Variants in KIAA0586 observed in about 807,000 individuals in gnomAD.
KIAA0586 encodes protein TALPID3.
In KIAA0586, 144 loss-of-function variants were observed where a neutral mutation model predicts 169.8. That is an observed-to-expected ratio of 0.85 (90% CI 0.74 to 0.97). The LOEUF (loss-of-function observed/expected upper bound fraction) is 0.97. Among genes scored for constraint, KIAA0586 ranks in the 50% least tolerant of loss-of-function variants. KIAA0586 has a pLI of 0.00. For missense variants in KIAA0586, 1,854 were observed against 1,823.0 expected, an observed-to-expected ratio of 1.02 and a Z score of -0.31; for synonymous variants, 625 against 612.4, an observed-to-expected ratio of 1.02 and a Z score of -0.30.
chr14:58,440,049 A>ATTT lies in KIAA0586; in HGVS notation c.411-2643_411-2641dup, dbSNP rs59044231. ...TTTCAGGGTCTTTTTTTAATTTTTA[A>ATTT]TTTTTTTTTTTTTTTTCTAGAGACA... On this transcript the variant is annotated intron_variant, in intron 4 of 30. Coordinates refer to ENST00000652326, the MANE Select transcript of KIAA0586 (RefSeq NM_001329943.3). 1.1e-3 allele frequency: 187 copies of ATTT among 164,226 alleles called. 1 individual carries two copies. The highest frequency in any genetic ancestry group is 4.7e-3 in the Middle Eastern group (2 of 422). The allele number at this position is 164,226 out of a possible 1,614,324, so 10.2% of individuals were successfully genotyped here.
intron 28 of KIAA0586, among the ~76,000 whole-genome samples, chr14:58,508,991 A>C (rs921157743): frequency 3.6e-4 from 55 of 152,220 alleles, no homozygotes; most frequent in African/African-American, 1.3e-3. Flanking sequence ...GCACTCTGGG[A>C]GGTTGAGACA....
intron 29 of KIAA0586, chr14:58,536,963 T>G (rs1437785230): frequency 2.6e-6 from 3 of 1,169,874 alleles, no homozygotes; most frequent in Non-Finnish European, 3.3e-6. Context: ...AAATTTTCCT[T>G]CTCATCTTTT....
Position 58,430,675 on chromosome 14 carries a change from G to A in KIAA0586, c.298G>A (p.Val100Met), listed in dbSNP as rs866469207. The A allele has an allele frequency of 8.1e-6, 13 of 1,605,414 alleles. No homozygotes were observed. Among genetic ancestry groups the A allele is most frequent in the South Asian group, 2.2e-5 (2 of 89,750 alleles). Residue 100 changes from valine (V) to methionine (M), a missense_variant, in exon 3 of 31, where the codon GTG becomes ATG. Coordinates refer to ENST00000652326, the MANE Select transcript of KIAA0586 (RefSeq NM_001329943.3). ...SDFSKDVAVQVLPLDKIEENN... is the reference protein window; with the variant it reads ...SDFSKDVAVQMLPLDKIEENN... ...TTTTTCTAAAGACGTTGCAGTGCAA[G>A]TGTTGCCTTTGGATAAAATAGAAGA...
chr14:58,519,165 A>AT (rs1489325325), intron 29 of KIAA0586, among the ~76,000 whole-genome samples: 1 of 152,330 alleles, frequency 6.6e-6, no homozygotes, highest in South Asian at 2.1e-4. Flanking sequence ...AAACAGGGGA[A>AT]TACATTTACC....
In KIAA0586 at chr14:58,550,935, T is replaced by C. The variant is rs1001445341; in HGVS notation, c.*3003T>C. 2 of 152,174 alleles carry C rather than the reference T, an allele frequency of 1.3e-5. No individual in the cohort carries two copies. Among genetic ancestry groups the C allele is most frequent in the Non-Finnish European group, 2.9e-5 (2 of 68,188 alleles). The allele number at this position is 152,174 out of a possible 1,614,324, so 9.4% of individuals were successfully genotyped here. ...GGGTGCGGGTGGCTCACACCTGTAA[T>C]CCCAGCACTTTGGGAGGCTGAGGCA... On this transcript the variant is annotated 3_prime_UTR_variant, in exon 31 of 31. Transcript: ENST00000652326.
At chr14:58,454,710 C>T (rs1048026985) in intron 9 of KIAA0586, among the ~76,000 whole-genome samples, 1 of 152,274 alleles carries the variant, frequency 6.6e-6, no homozygotes. Context: ...GCTGGAAGTT[C>T]AAGATCAAGG....
Position 58,447,383 on chromosome 14 carries a change from CAAT to C in KIAA0586, c.808-954_808-952del, listed in dbSNP as rs1449967729. On this transcript the variant is annotated intron_variant, in intron 6 of 30. Coordinates refer to ENST00000652326, the MANE Select transcript of KIAA0586 (RefSeq NM_001329943.3). ...TGTACTCACAAAAATTAAAACAAAA[CAAT>C]AAAACCCTCTTTTTTGAAACCAGTT... 9.2e-5 allele frequency among the ~76,000 whole-genome samples: 14 copies of C among 152,118 alleles called. No individual in the cohort carries two copies. In the South Asian group the frequency reaches 2.7e-3, roughly 29 times the overall value.
At position 58,480,360 on chromosome 14, in the gene KIAA0586, A is replaced by AT. The variant is rs539073778; in HGVS notation, c.2945-2153_2945-2152insT. Among the ~76,000 whole-genome samples, 70 of 152,228 alleles carry AT rather than the reference A, an allele frequency of 4.6e-4. No individual in the cohort carries two copies. The East Asian group carries it at 0.011, about 23-fold the overall frequency. On this transcript the variant is annotated intron_variant, in intron 20 of 30. Transcript: ENST00000652326. Reference sequence around the variant, plus strand: ...TCTTCCTCTTTTAAAAAAAAAAAAAAAAAACTTCTTTAAGACCTTCATTTT... The same window carrying AT: ...TCTTCCTCTTTTAAAAAAAAAAAAAATAAAACTTCTTTAAGACCTTCATTTT...
chr14:58,455,157 C>T (rs2039712209), intron 9 of KIAA0586, among the ~76,000 whole-genome samples: 1 of 152,160 alleles, frequency 6.6e-6, no homozygotes, highest in African/African-American at 2.4e-5. Context: ...TTATATTTTT[C>T]AACTGCAGAA....
chr14:58,497,175 G>A (rs2043210624), intron 26 of KIAA0586, among the ~76,000 whole-genome samples: 1 of 151,828 alleles, frequency 6.6e-6, no homozygotes, highest in African/African-American at 2.4e-5. Flanking sequence ...TTTTTGCCAT[G>A]TTGATCAGGA....
intron 8 of KIAA0586, among the ~76,000 whole-genome samples, chr14:58,451,873 C>T (rs916809699): frequency 3.3e-5 from 5 of 152,018 alleles, no homozygotes; most frequent in Non-Finnish European, 5.9e-5. Context: ...TTAGTAGAGA[C>T]GGGGTTTCAC....
At chr14:58,460,491 T>G (rs2140880536) in intron 13 of KIAA0586, among the ~76,000 whole-genome samples, 1 of 152,262 alleles carries the variant, frequency 6.6e-6, no homozygotes, top group East Asian at 1.9e-4. Flanking sequence ...GAAATTTTTT[T>G]GACTGCTGTA....
intron 20 of KIAA0586, among the ~76,000 whole-genome samples, chr14:58,481,043 A>C (rs1264303533): frequency 6.6e-6 from 1 of 152,210 alleles, no homozygotes. Flanking sequence ...TGAATTATGG[A>C]AACTAAAAAG....
At chr14:58,490,085 T>C (rs889499526) in intron 24 of KIAA0586, 79 bp from the exon 25 acceptor site, 4 of 681,664 alleles carry the variant, frequency 5.9e-6, no homozygotes, top group African/African-American at 3.8e-5. Context: ...GAATCTAATA[T>C]GCTATGGCTT....
intron 7 of KIAA0586, 86 bp downstream of exon 7, chr14:58,448,579 C>G: frequency 1.1e-6 from 1 of 883,004 alleles, no homozygotes; most frequent in East Asian, 2.9e-5. Context: ...ATTTCCTGAG[C>G]AGTAGGAGTT....
chr14:58,554,340 A>G (rs2047232419), downstream of KIAA0586, among the ~76,000 whole-genome samples: 1 of 152,164 alleles, frequency 6.6e-6, no homozygotes, highest in South Asian at 2.1e-4. Flanking sequence ...TTTGCAACTT[A>G]AAAAACATTG....
intron 15 of KIAA0586, among the ~76,000 whole-genome samples, chr14:58,467,431 G>A (rs1378318945): frequency 1.3e-5 from 2 of 152,198 alleles, no homozygotes; most frequent in African/African-American, 4.8e-5. Context: ...TAGAAGTCAA[G>A]TGGGACTTTG....
At chr14:58,428,666 CTT>C (rs33975443) in intron 1 of KIAA0586, among the ~76,000 whole-genome samples, 25 of 74,112 alleles carry the variant, frequency 3.4e-4, no homozygotes, top group Admixed American at 5.1e-4. Flanking sequence ...CCCTGTTGTG[CTT>C]TTTTTTTTTT....
intron 29 of KIAA0586, among the ~76,000 whole-genome samples, chr14:58,532,584 A>T (rs1008058671): frequency 6.6e-6 from 1 of 152,198 alleles, no homozygotes; most frequent in Non-Finnish European, 1.5e-5. Context: ...ATAAGAGCAA[A>T]ATAAAACAGG....
Sources: gnomAD v4.1 joint callset for allele counts (sites outside exome capture counted in the v4.1 genomes callset) on GRCh38, gnomAD v4.1.1 for gene constraint, MANE v1.5 for transcripts, NCBI Gene and HGNC (gene_info 2026-07-23, HGNC 2026-07-21) for gene names.